The following CEP68 variants were observed in gnomAD, a reference collection of about 807,000 sequenced individuals.
CEP68 encodes the protein centrosomal protein 68, also known as centrosomal protein of 68 kDa.
Under a neutral mutation model 55.3 loss-of-function variants are expected in CEP68, and 26 were observed. That is an observed-to-expected ratio of 0.47 (90% CI 0.34 to 0.65). The LOEUF is 0.65. CEP68 is among the 30% of genes least tolerant of loss of function. The probability of loss-of-function intolerance (pLI) is 0.01; values close to 1 mark genes in which losing one functional copy is unlikely to be tolerated. For synonymous variants in CEP68, 402 were observed against 383.2 expected, an observed-to-expected ratio of 1.05 and a Z score of -0.57; for missense variants, 957 against 946.7, an observed-to-expected ratio of 1.01 and a Z score of -0.14.
In CEP68 at chr2:65,069,503, C is replaced by T. The variant is rs972966595; in HGVS notation, c.59C>T (p.Ser20Phe). 1.4e-5 allele frequency: 22 copies of T among 1,568,120 alleles called. No homozygotes were observed. The highest frequency in any genetic ancestry group is 1.8e-5 in the Admixed American group (1 of 54,508). Residue 20 changes from serine to phenylalanine, a missense_variant, in exon 2 of 7, where the codon TCC becomes TTC. Transcript: ENST00000377990. Reference protein sequence around the residue: ...AEASEDTKAQSYGRGSCRERE... With the variant: ...AEASEDTKAQFYGRGSCRERE... ...GCATCTGAAGACACAAAGGCCCAGT[C>T]CTATGGGAGAGGGAGCTGCAGGGAG... is the stretch of plus-strand genomic sequence containing the variant.
At chr2:65,082,018 G>C (rs913810177) in intron 5 of CEP68, among the ~76,000 whole-genome samples, 3 of 152,094 alleles carry the variant, frequency 2.0e-5, no homozygotes, top group Admixed American at 6.6e-5. Flanking sequence ...TTCTTTTTCA[G>C]TCTGTTCACT....
intron 1 of CEP68, among the ~76,000 whole-genome samples, chr2:65,057,045 A>G (rs551012216): frequency 1.4e-5 from 2 of 144,900 alleles, no homozygotes; most frequent in East Asian, 4.0e-4. Context: ...GGAGAGAAAA[A>G]ATCAAGATGT....
chr2:65,064,659 G>A (rs539868950), intron 1 of CEP68, among the ~76,000 whole-genome samples: 9 of 151,804 alleles, frequency 5.9e-5, no homozygotes, highest in Non-Finnish European at 1.2e-4. Flanking sequence ...GCGTGAACCC[G>A]GGAGGTGGAG....
chr2:65,067,942 C>T (rs1210457237), intron 1 of CEP68, among the ~76,000 whole-genome samples: 1 of 152,116 alleles, frequency 6.6e-6, no homozygotes, highest in Non-Finnish European at 1.5e-5. Context: ...GCAAGGCGTC[C>T]TCAGTGTGTG....
intron 5 of CEP68, among the ~76,000 whole-genome samples, chr2:65,081,255 C>T (rs929712916): frequency 2.0e-5 from 3 of 152,150 alleles, no homozygotes; most frequent in Admixed American, 2.0e-4. Context: ...CCAGCCCAGC[C>T]ACCCTTACAG....
intron 1 of CEP68, among the ~76,000 whole-genome samples, chr2:65,057,644 C>T (rs1675697713): frequency 6.6e-6 from 1 of 152,288 alleles, no homozygotes; most frequent in Middle Eastern, 3.4e-3. Flanking sequence ...ACATAAAAGG[C>T]ACTCAATGAT....
Position 65,072,252 on chromosome 2 carries a change from C to A in CEP68, c.1156C>A (p.Gln386Lys), listed in dbSNP as rs1676511186. Residue 386 changes from glutamine (Q) to lysine (K), a missense_variant, in exon 3 of 7, where the codon CAG (glutamine) becomes AAG (lysine). Transcript: ENST00000377990. ...KQWPSRVPQK[Q>K]GGMGLASWSQ... Reference sequence around the variant, plus strand: ...GTGGCCCTCCAGAGTACCCCAGAAACAGGGTGGCATGGGCTTGGCATCTTG... The same window carrying A: ...GTGGCCCTCCAGAGTACCCCAGAAAAAGGGTGGCATGGGCTTGGCATCTTG... The A allele has an allele frequency of 1.9e-6, 3 of 1,614,114 alleles. No individual in the cohort carries two copies. The highest frequency in any genetic ancestry group is 2.5e-6 in the Non-Finnish European group (3 of 1,180,000).
rs1669015846 is a variant in CEP68, at chr2:65,085,955, C to T, written c.*2321C>T. ...TGCCACACTGGAATAACTTAGTAGT[C>T]CCTTAAAATTAATGGAAGTTAAATC... On this transcript the variant is annotated 3_prime_UTR_variant, in exon 7 of 7. Coordinates refer to ENST00000377990, the MANE Select transcript of CEP68 (RefSeq NM_015147.3). 1.3e-5 allele frequency: 2 copies of T among 152,168 alleles called. No individual in the cohort carries two copies. Among genetic ancestry groups the T allele is most frequent in the Admixed American group, 6.5e-5 (1 of 15,278 alleles). The allele number at this position is 152,168 out of a possible 1,614,324, so 9.4% of individuals were successfully genotyped here. A position where few individuals can be genotyped will look rare whatever the true frequency, so the allele number is the denominator to read the frequency against.
intron 1 of CEP68, among the ~76,000 whole-genome samples, chr2:65,057,142 C>T (rs1675663840): frequency 6.6e-6 from 1 of 152,242 alleles, no homozygotes; most frequent in Non-Finnish European, 1.5e-5. Context: ...TGTCCAAAAC[C>T]TGTTCCAGGC....
chr2:65,058,310 CCT>C (rs1573011915), intron 1 of CEP68, among the ~76,000 whole-genome samples: 3 of 151,476 alleles, frequency 2.0e-5, no homozygotes, highest in Admixed American at 6.6e-5. Flanking sequence ...GGGTCGAGTC[CCT>C]CTCACCTCAG....
At chr2:65,056,732 G>T (rs1319599987) in intron 1 of CEP68, among the ~76,000 whole-genome samples, 1 of 152,182 alleles carries the variant, frequency 6.6e-6, no homozygotes, top group Non-Finnish European at 1.5e-5. Flanking sequence ...GGCGCCTCGT[G>T]CCTTCGCCTC....
Position 65,072,135 on chromosome 2 carries a change from C to T in CEP68, c.1039C>T (p.Leu347Phe). The T allele has an allele frequency of 3.7e-6, 6 of 1,614,086 alleles. No homozygotes were observed. The highest frequency in any genetic ancestry group is 1.1e-5 in the South Asian group (1 of 91,072). Residue 347 changes from leucine to phenylalanine, a missense_variant, in exon 3 of 7, where the codon CTC becomes TTC. Transcript: ENST00000377990. ...DSFSVSPAST[L>F]KSPTNVSPNC... Reference sequence around the variant, plus strand: ...CTTCTCTGTCTCTCCAGCAAGCACCCTCAAATCACCTACTAATGTCTCCCC... The same window carrying T: ...CTTCTCTGTCTCTCCAGCAAGCACCTTCAAATCACCTACTAATGTCTCCCC...
rs1013029289 is a variant in CEP68 at position 65,085,088 on chromosome 2, A to G, written c.*1454A>G. 1 of 152,206 alleles carries G rather than the reference A, an allele frequency of 6.6e-6. No individual in the cohort carries two copies. The highest frequency in any genetic ancestry group is 2.4e-5 in the African/African-American group (1 of 41,446). The allele number at this position is 152,206 out of a possible 1,614,324, so 9.4% of individuals were successfully genotyped here. The stretch of plus-strand genomic sequence containing the variant: ...TTTACCTTCTCTTAGATGTACATTT[A>G]TAAGTAGGAACATGTCCTTCCACTG... On this transcript the variant is annotated 3_prime_UTR_variant, in exon 7 of 7. Coordinates refer to ENST00000377990, the MANE Select transcript of CEP68 (RefSeq NM_015147.3).
chr2:65,081,298 C>G (rs1294427614), intron 5 of CEP68, among the ~76,000 whole-genome samples: 1 of 152,084 alleles, frequency 6.6e-6, no homozygotes, highest in Non-Finnish European at 1.5e-5. Flanking sequence ...CTGCAATCCT[C>G]TGCCACACTC....
intron 5 of CEP68, among the ~76,000 whole-genome samples, chr2:65,081,031 C>T (rs960348067): frequency 2.6e-5 from 4 of 151,742 alleles, no homozygotes; most frequent in Non-Finnish European, 5.9e-5. Context: ...GCCAGCATGA[C>T]GAAACCCTGT....
chr2:65,060,392 A>G (rs1396575038), intron 1 of CEP68, among the ~76,000 whole-genome samples: 1 of 152,164 alleles, frequency 6.6e-6, no homozygotes, highest in African/African-American at 2.4e-5. Flanking sequence ...TGAGAGCGGT[A>G]AGATTCTTCT....
intron 1 of CEP68, among the ~76,000 whole-genome samples, chr2:65,062,567 G>A (rs1675964457): frequency 6.8e-6 from 1 of 148,094 alleles, no homozygotes; most frequent in Non-Finnish European, 1.5e-5. Flanking sequence ...GGGGCGTGAT[G>A]GCTTATATCT....
chr2:65,058,567 C>T (rs2723080), intron 1 of CEP68, among the ~76,000 whole-genome samples: 12,072 of 127,732 alleles, frequency 0.095, 669 homozygotes, highest in Middle Eastern at 0.18. Context: ...AGTGCAATGG[C>T]ACAGTCTCAG....
In CEP68 at chr2:65,069,716, T is replaced by C. The variant is rs201605514; in HGVS notation, c.272T>C (p.Val91Ala). ...GCCAGTGATGCCAACAGAGAGCCCG[T>C]AGCTGAGAGGTCTGAGCCTGCACTC... Reference protein sequence around the residue: ...PQASDANREPVAERSEPALSG... With the variant: ...PQASDANREPAAERSEPALSG... The change falls in exon 2 of 7, where the codon GTA (valine) becomes GCA (alanine). Residue 91 changes from valine (V) to alanine (A), a missense_variant. By Grantham distance (64) the Val-to-Ala change is moderately conservative. Transcript: ENST00000377990. The C allele has an allele frequency of 9.9e-6, 16 of 1,614,126 alleles. No homozygotes were observed. The highest frequency in any genetic ancestry group is 1.4e-5 in the Non-Finnish European group (16 of 1,180,028).
Sources: allele counts gnomAD v4.1 joint callset (sites outside exome capture counted in the v4.1 genomes callset), GRCh38; gene constraint gnomAD v4.1.1; transcripts MANE v1.5; gene names NCBI Gene and HGNC (gene_info 2026-07-23, HGNC 2026-07-21).